The following FAM171B variants were observed in gnomAD, a reference collection of about 807,000 sequenced individuals.
FAM171B encodes protein FAM171B.
A neutral mutation model predicts 75.6 loss-of-function variants in FAM171B; 19 were observed. The ratio of observed to expected loss-of-function variants is 0.25; its 90% CI spans 0.18 to 0.37. The LOEUF (loss-of-function observed/expected upper bound fraction) is 0.37, where lower values mean the gene tolerates loss of function less well. FAM171B is among the 10% of genes least tolerant of loss of function. The pLI, the probability that FAM171B is intolerant of heterozygous loss-of-function variation, is 1.00. For missense variants in FAM171B, 848 were observed against 982.4 expected (o/e 0.86, Z 1.83); for synonymous variants, 367 against 361.7 (o/e 1.01, Z -0.17).
At chr2:186,724,816 G>A (rs1359293979) in intron 1 of FAM171B, among the ~76,000 whole-genome samples, 1 of 152,174 alleles carries the variant, frequency 6.6e-6, no homozygotes, top group Non-Finnish European at 1.5e-5. Context: ...GGATCAGAAT[G>A]GATGAAGATG....
At chr2:186,694,748 A>AACACACACACACACAC (rs57171143) in intron 1 of FAM171B, among the ~76,000 whole-genome samples, 15 of 133,386 alleles carry the variant, frequency 1.1e-4, no homozygotes, top group East Asian at 6.4e-4. Flanking sequence ...GAATGACTGT[A>AACACACACACACACAC]ACACACACAC....
In FAM171B at chr2:186,732,402, C is replaced by T. The variant is rs1464732169; in HGVS notation, c.239-7826C>T. On this transcript the variant is annotated intron_variant, in intron 1 of 7. Transcript: ENST00000304698. ...GTTCCAAGATGGCTTTGGAGTCCTT[C>T]GTGGTGTTGGCAGTGGTGAATCCAC... Among the ~76,000 whole-genome samples the T allele has an allele frequency of 5.3e-5, 8 of 152,136 alleles. 1 individual carries two copies. The highest frequency in any genetic ancestry group is 1.2e-4 in the African/African-American group (5 of 41,412).
chr2:186,763,877 A>G lies in FAM171B; in HGVS notation c.*1054A>G, dbSNP rs1241371063. ...TCAAAAATACCTTCAGGATAGTTGT[A>G]TATCCAGTTATTGATTTTCTTAAAA... On this transcript the variant is annotated 3_prime_UTR_variant, in exon 8 of 8. Transcript: ENST00000304698. 1.3e-5 allele frequency: 2 copies of G among 152,126 alleles called. No individual in the cohort carries two copies. Among genetic ancestry groups the G allele is most frequent in the African/African-American group, 4.8e-5 (2 of 41,458 alleles). The allele number at this position is 152,126 out of a possible 1,614,324, so 9.4% of individuals were successfully genotyped here. A position where few individuals can be genotyped will look rare whatever the true frequency, so the allele number is the denominator to read the frequency against.
chr2:186,712,206 CTTG>C (rs1307932162), intron 1 of FAM171B, among the ~76,000 whole-genome samples: 1 of 152,078 alleles, frequency 6.6e-6, no homozygotes, highest in Non-Finnish European at 1.5e-5. Flanking sequence ...ATTTACTTGA[CTTG>C]TTATTATCTT....
At chr2:186,718,121 T>C (rs1420448246) in intron 1 of FAM171B, among the ~76,000 whole-genome samples, 1 of 152,210 alleles carries the variant, frequency 6.6e-6, no homozygotes, top group African/African-American at 2.4e-5. Context: ...TGATCCTCCT[T>C]TGTCATTGCC....
chr2:186,717,002 G>A (rs1266443449), intron 1 of FAM171B, among the ~76,000 whole-genome samples: 1 of 152,100 alleles, frequency 6.6e-6, no homozygotes, highest in Non-Finnish European at 1.5e-5. Context: ...TTCATAGAAT[G>A]AAATTCAGGC....
At chr2:186,711,722 A>C (rs1301735091) in intron 1 of FAM171B, among the ~76,000 whole-genome samples, 2 of 152,132 alleles carry the variant, frequency 1.3e-5, no homozygotes, top group Non-Finnish European at 2.9e-5. Context: ...CTAACTCTAT[A>C]TGTTATTTCT....
intron 1 of FAM171B, among the ~76,000 whole-genome samples, chr2:186,734,445 G>A (rs1057015744): frequency 4.6e-5 from 7 of 151,972 alleles, no homozygotes; most frequent in African/African-American, 1.7e-4. Context: ...TCAATGGAGA[G>A]AGGATACCTG....
rs747601432 is a variant in FAM171B, at chr2:186,761,162, G to A, written c.1062G>A (p.Val354=). 5.8e-5 allele frequency: 93 copies of A among 1,612,260 alleles called. No homozygotes were observed. The highest frequency in any genetic ancestry group is 7.5e-5 in the Non-Finnish European group (88 of 1,179,102). The change falls in exon 7 of 8, where the codon GTG becomes GTA. Residue 354 remains valine, a synonymous_variant. Coordinates refer to ENST00000304698, the MANE Select transcript of FAM171B (RefSeq NM_177454.4). The part of the protein sequence containing the change: ...DSKDITAYHT[V]FLTAILGGTI... ...AGGACATAACTGCCTACCACACAGT[G>A]TTTCTTACAGCCATATTAGGAGGAA...
intron 2 of FAM171B, among the ~76,000 whole-genome samples, chr2:186,743,250 A>T (rs1480330274): frequency 6.6e-6 from 1 of 152,168 alleles, no homozygotes; most frequent in Non-Finnish European, 1.5e-5. Context: ...CAAATAGAAA[A>T]GATTAGTAAA....
At position 186,747,267 on chromosome 2, in the gene FAM171B, G is replaced by A. The variant is rs768715259; in HGVS notation, c.724+17G>A. 2.2e-5 allele frequency: 34 copies of A among 1,513,334 alleles called. No homozygotes were observed. The East Asian group carries it at 6.8e-4, about 30-fold the overall frequency. 93.7% of individuals were successfully genotyped at this position (1,513,334 alleles called of 1,614,324 possible). ...ATAAACCAGGTATTATCTACTTTTT[G>A]TATAATATAGTTATAAGAAACATTA... On this transcript the variant is annotated intron_variant, in intron 4 of 7. Coordinates refer to ENST00000304698, the MANE Select transcript of FAM171B (RefSeq NM_177454.4).
At chr2:186,723,451 CTTT>C (rs142688303) in intron 1 of FAM171B, among the ~76,000 whole-genome samples, 1 of 152,000 alleles carries the variant, frequency 6.6e-6, no homozygotes, top group Non-Finnish European at 1.5e-5. Flanking sequence ...CCCCTTATGT[CTTT>C]TTTTTATTAT....
chr2:186,756,092 T>C (rs1690527718), intron 6 of FAM171B, among the ~76,000 whole-genome samples: 1 of 144,624 alleles, frequency 6.9e-6, no homozygotes, highest in African/African-American at 2.5e-5. Flanking sequence ...CTAAAATAAC[T>C]GAATTATATA....
rs1690445726 is a variant in FAM171B at position 186,751,117 on chromosome 2, A to G, written c.725-17A>G. The G allele has an allele frequency of 1.9e-6, 3 of 1,557,048 alleles. No homozygotes were observed. Among genetic ancestry groups the G allele is most frequent in the Non-Finnish European group, 2.6e-6 (3 of 1,144,950 alleles). ...CTCTGTTTACATATGATTTTAATAAACTGTCTTCTTTTATAGGTTTTGAAA... is the reference window on the plus strand; with the variant it reads ...CTCTGTTTACATATGATTTTAATAAGCTGTCTTCTTTTATAGGTTTTGAAA... On this transcript the variant is annotated splice_polypyrimidine_tract_variant and intron_variant, in intron 4 of 7. Transcript: ENST00000304698.
At chr2:186,723,528 T>G in intron 1 of FAM171B, among the ~76,000 whole-genome samples, 1 of 152,202 alleles carries the variant, frequency 6.6e-6, no homozygotes, top group East Asian at 1.9e-4. Flanking sequence ...TCTAGTATTT[T>G]TCCAATTAAT....
intron 1 of FAM171B, among the ~76,000 whole-genome samples, chr2:186,697,914 A>C (rs1485461601): frequency 6.6e-6 from 1 of 152,234 alleles, no homozygotes. Flanking sequence ...TCAGGATTTA[A>C]AAAAGTACAT....
At chr2:186,748,306 G>A (rs1038291350) in intron 4 of FAM171B, among the ~76,000 whole-genome samples, 4 of 142,852 alleles carry the variant, frequency 2.8e-5, no homozygotes, top group African/African-American at 1.0e-4. Context: ...AATTCTGATA[G>A]TTTCTTTTTT....
chr2:186,731,529 T>G (rs1342975771), intron 1 of FAM171B, among the ~76,000 whole-genome samples: 1 of 152,210 alleles, frequency 6.6e-6, no homozygotes, highest in Non-Finnish European at 1.5e-5. Context: ...GATTAGGGGC[T>G]GGGTGGCTGA....
chr2:186,705,042 A>G (rs888682137), intron 1 of FAM171B, among the ~76,000 whole-genome samples: 1 of 152,228 alleles, frequency 6.6e-6, no homozygotes, highest in African/African-American at 2.4e-5. Context: ...AAGGAATTCA[A>G]TGGTGAGTCA....
Sources: gnomAD v4.1 joint callset for allele counts (sites outside exome capture counted in the v4.1 genomes callset) on GRCh38, gnomAD v4.1.1 for gene constraint, MANE v1.5 for transcripts, NCBI Gene and HGNC (gene_info 2026-07-23, HGNC 2026-07-21) for gene names.